The following EFL1 variants were observed in gnomAD, a reference collection of about 807,000 sequenced individuals.
EFL1 encodes the protein elongation factor-like GTPase 1.
A neutral mutation model predicts 126.7 loss-of-function variants in EFL1; 76 were observed. The observed-to-expected ratio is 0.60, with a 90% CI of 0.50 to 0.73. EFL1 has a LOEUF of 0.73. Among genes scored for constraint, EFL1 ranks in the 30% least tolerant of loss-of-function variants. The probability of loss-of-function intolerance (pLI) is 0.00; values close to 1 mark genes in which losing one functional copy is unlikely to be tolerated. For missense variants in EFL1, 1,128 were observed against 1,343.2 expected, an observed-to-expected ratio of 0.84 and a Z score of 2.50; for synonymous variants, 410 against 448.4, an observed-to-expected ratio of 0.91 and a Z score of 1.08.
chr15:82,190,498 G>C (rs1406832390), intron 15 of EFL1, among the ~76,000 whole-genome samples: 1 of 152,186 alleles, frequency 6.6e-6, no homozygotes, highest in Non-Finnish European at 1.5e-5. Context: ...CATTCCAAGA[G>C]AGGGAAGTAT....
At position 82,157,743 on chromosome 15, in the gene EFL1, AG is replaced by A; in HGVS notation, c.1999del (p.Leu667PhefsTer8). ...TTTTAAGTCATCCAGGCATCGCTGA[AG>A]GTGGACTTCTCCTGCTGTGACTAAA... Reference protein sequence around the residue: ...HVLVTAGEVHLQRCLDDLKER... With the variant: ...HVLVTAGEVHXQRCLDDLKER... On this transcript the variant is annotated frameshift_variant, in exon 17 of 20. Coordinates refer to ENST00000268206, the MANE Select transcript of EFL1 (RefSeq NM_024580.6). LOFTEE classifies it high-confidence loss of function. 1 of 1,613,546 alleles carries A rather than the reference AG, an allele frequency of 6.2e-7. No individual in the cohort carries two copies. The highest frequency in any genetic ancestry group is 8.5e-7 in the Non-Finnish European group (1 of 1,179,588).
intron 18 of EFL1, 74 bp from the exon 19 acceptor site, chr15:82,138,916 T>C (rs2073755611): frequency 3.7e-6 from 5 of 1,360,224 alleles, no homozygotes; most frequent in Non-Finnish European, 5.0e-6. Flanking sequence ...TGATTACCCA[T>C]ATACTCTGTA....
intron 4 of EFL1, among the ~76,000 whole-genome samples, chr15:82,251,463 C>A (rs1596010464): frequency 1.3e-5 from 2 of 152,096 alleles, no homozygotes; most frequent in South Asian, 2.1e-4. Context: ...TAGAGCAGAA[C>A]AACTAAAACT....
chr15:82,162,101 G>T (rs981401232), intron 16 of EFL1, among the ~76,000 whole-genome samples: 1 of 152,130 alleles, frequency 6.6e-6, no homozygotes, highest in Non-Finnish European at 1.5e-5. Context: ...GACATGGGGA[G>T]AACCCATCTA....
rs2074816402 is a variant in EFL1 at position 82,230,963 on chromosome 15, T to G, written c.740A>C (p.His247Pro). 3.1e-6 allele frequency: 5 copies of G among 1,610,538 alleles called. No homozygotes were observed. Among genetic ancestry groups the G allele is most frequent in the Non-Finnish European group, 4.2e-6 (5 of 1,178,874 alleles). ...AIDGWGFGIE[H>P]FARIYSQKIG... Reference sequence around the variant, plus strand: ...TTTTTGACTGTAGATTCTGGCGAAGTGCTCAATTCTGAAAGAAGACCAAAT... The same window carrying G: ...TTTTTGACTGTAGATTCTGGCGAAGGGCTCAATTCTGAAAGAAGACCAAAT... The change falls in exon 8 of 20, where the codon CAC becomes CCC. Residue 247 changes from histidine (H) to proline (P), a missense_variant. Coordinates refer to ENST00000268206, the MANE Select transcript of EFL1 (RefSeq NM_024580.6).
intron 6 of EFL1, 82 bp downstream of exon 6, chr15:82,240,336 G>C: frequency 7.3e-7 from 1 of 1,362,114 alleles, no homozygotes; most frequent in Non-Finnish European, 9.9e-7. Context: ...CTTTTCTGTA[G>C]CAACGGCTCA....
intron 17 of EFL1, chr15:82,157,496 C>T (rs2073980269): frequency 8.7e-6 from 4 of 460,256 alleles, no homozygotes; most frequent in Non-Finnish European, 1.4e-5. Context: ...ATGACTTAAG[C>T]TAAAAATGCA....
chr15:82,239,677 T>G (rs1414691894), intron 6 of EFL1, among the ~76,000 whole-genome samples: 2 of 152,230 alleles, frequency 1.3e-5, no homozygotes, highest in African/African-American at 4.8e-5. Flanking sequence ...ATTCTTCAGC[T>G]AAAAAACAAT....
Position 82,130,261 on chromosome 15 carries a change from T to C in EFL1, c.*112A>G, listed in dbSNP as rs758769504. On this transcript the variant is annotated 3_prime_UTR_variant, in exon 20 of 20. Transcript: ENST00000268206. ...AAAATATTTATATGGATCAACTTTA[T>C]TGAAAGTGAATAAACAGAGATAATG... The C allele has an allele frequency of 5.3e-6, 6 of 1,131,118 alleles. No individual in the cohort carries two copies. Among genetic ancestry groups the C allele is most frequent in the Admixed American group, 2.8e-5 (1 of 35,662 alleles). 70.1% of individuals were successfully genotyped at this position (1,131,118 alleles called of 1,614,324 possible).
Position 82,259,090 on chromosome 15 carries a change from T to G in EFL1, c.157A>C (p.Lys53Gln), listed in dbSNP as rs372165921. The change falls in exon 3 of 20, where the codon AAG becomes CAG. Residue 53 changes from lysine to glutamine, a missense_variant and splice_region_variant. Lys to Gln is a moderately conservative substitution (Grantham distance 53, BLOSUM62 1). Coordinates refer to ENST00000268206, the MANE Select transcript of EFL1 (RefSeq NM_024580.6). ...GTATTTATAAAATAATAACATACCT[T>G]GCCTGCTAGGCGGCTGGAGATGATT... ...NGIISSRLAG[K>Q]LRYMDSREDE... 2.1e-5 allele frequency: 34 copies of G among 1,613,562 alleles called. No homozygotes were observed. The African/African-American group carries it at 4.0e-4, about 19-fold the overall frequency.
intron 15 of EFL1, among the ~76,000 whole-genome samples, chr15:82,170,210 G>T (rs1480630124): frequency 1.3e-5 from 2 of 148,232 alleles, no homozygotes; most frequent in African/African-American, 5.0e-5. Context: ...CGCCTCCCGG[G>T]TTCATGCCAT....
chr15:82,185,224 A>G (rs2074292160), intron 15 of EFL1, among the ~76,000 whole-genome samples: 1 of 146,290 alleles, frequency 6.8e-6, no homozygotes, highest in Admixed American at 6.9e-5. Flanking sequence ...TGCGTTCCTC[A>G]ATTCACGGAG....
chr15:82,229,193 AAT>A (rs2074795650), intron 8 of EFL1, 83 bp from the exon 9 acceptor site: 2 of 1,037,974 alleles, frequency 1.9e-6, no homozygotes, highest in South Asian at 3.3e-5. Context: ...TTTTATTATC[AAT>A]ATGTTTCATT....
At chr15:82,178,567 G>T (rs1428792305) in intron 15 of EFL1, among the ~76,000 whole-genome samples, 1 of 152,168 alleles carries the variant, frequency 6.6e-6, no homozygotes, top group African/African-American at 2.4e-5. Flanking sequence ...CCTTCCAAAG[G>T]TCTCAATCAG....
At chr15:82,132,988 G>A (rs1177903034) in intron 19 of EFL1, among the ~76,000 whole-genome samples, 1 of 152,120 alleles carries the variant, frequency 6.6e-6, no homozygotes, top group Non-Finnish European at 1.5e-5. Context: ...GCCTGGGCAG[G>A]AGGAAGGGAG....
At chr15:82,233,469 CCA>C (rs985264638) in intron 7 of EFL1, among the ~76,000 whole-genome samples, 1 of 152,078 alleles carries the variant, frequency 6.6e-6, no homozygotes, top group African/African-American at 2.4e-5. Context: ...AATTACTGAG[CCA>C]CACACACCCT....
At chr15:82,130,776 T>C (rs2073632533) in intron 19 of EFL1, among the ~76,000 whole-genome samples, 1 of 152,100 alleles carries the variant, frequency 6.6e-6, no homozygotes, top group Admixed American at 6.6e-5. Flanking sequence ...GGCAGGTGGA[T>C]TGCCTGAGCT....
rs72749566 is a variant in EFL1, at chr15:82,195,619, G to A, written c.1750+19098C>T. On this transcript the variant is annotated intron_variant, in intron 15 of 19. Transcript: ENST00000268206. ...CAAGTTTCCCATATGTAACCTAGAA[G>A]CTAAACGCCAACAAACTAATGAGTA... Among the ~76,000 whole-genome samples, 1,056 of 152,250 alleles carry A rather than the reference G, an allele frequency of 6.9e-3. 10 individuals are homozygous for A. Among genetic ancestry groups the A allele is most frequent in the Non-Finnish European group, 8.2e-3 (558 of 68,022 alleles).
Position 82,152,203 on chromosome 15 carries a change from G to C in EFL1, c.2251C>G (p.Leu751Val). The change falls in exon 18 of 20, where the codon CTC becomes GTC. Residue 751 changes from leucine to valine, a missense_variant. Leu to Val is a conservative substitution (Grantham distance 32). Around this residue, in one of 6 missense-constraint regions of EFL1, gnomAD observed 561 missense variants for 641.7 expected, o/e 0.87. Coordinates refer to ENST00000268206, the MANE Select transcript of EFL1 (RefSeq NM_024580.6). ...TITTPNKLAT[L>V]SVRAMPLPEE... ...GGAAGGGGCATGGCTCGAACACTGAGCGTGGCAAGTTTATTGGGAGTTGTT... is the reference window on the plus strand; with the variant it reads ...GGAAGGGGCATGGCTCGAACACTGACCGTGGCAAGTTTATTGGGAGTTGTT... 3 of 1,614,162 alleles carry C rather than the reference G, an allele frequency of 1.9e-6. No individual in the cohort carries two copies. The highest frequency in any genetic ancestry group is 2.5e-6 in the Non-Finnish European group (3 of 1,180,042).
Sources: gnomAD v4.1 joint callset for allele counts (sites outside exome capture counted in the v4.1 genomes callset) on GRCh38, gnomAD v4.1.1 for gene constraint, gnomAD v4.1.1 regional missense constraint, MANE v1.5 for transcripts, NCBI Gene and HGNC (gene_info 2026-07-23, HGNC 2026-07-21) for gene names.